Variants in DYNC2H1 observed in about 807,000 individuals in gnomAD.
DYNC2H1 encodes cytoplasmic dynein 2 heavy chain 1.
DYNC2H1 carries 410 observed loss-of-function variants against 570.0 expected under a neutral mutation model. The observed-to-expected ratio is 0.72, with a 90% CI of 0.66 to 0.78. The LOEUF is 0.78. Among genes scored for constraint, DYNC2H1 ranks in the 30% least tolerant of loss-of-function variants. DYNC2H1 has a pLI of 0.00. For missense variants in DYNC2H1, 4,865 were observed against 5,046.4 expected (o/e 0.96, Z 1.09); for synonymous variants, 1,688 against 1,677.6 (o/e 1.01, Z -0.15).
chr11:103,479,780 C>T lies in DYNC2H1; in HGVS notation c.*527C>T, dbSNP rs1361772177. 2 of 151,856 alleles carry T rather than the reference C, an allele frequency of 1.3e-5. No individual in the cohort carries two copies. Among genetic ancestry groups the T allele is most frequent in the African/African-American group, 4.8e-5 (2 of 41,406 alleles). 9.4% of individuals were successfully genotyped at this position (151,856 alleles called of 1,614,324 possible). ...ATAATTATATACTTATAACTAATAT[C>T]TTAAGGTAATTCAAATAGGAATAAT... On this transcript the variant is annotated 3_prime_UTR_variant, in exon 89 of 89. Coordinates refer to ENST00000375735, the MANE Select transcript of DYNC2H1 (RefSeq NM_001377.3).
At chr11:103,309,745 G>T (rs559793831) in intron 78 of DYNC2H1, among the ~76,000 whole-genome samples, 51 of 152,074 alleles carry the variant, frequency 3.4e-4, no homozygotes, top group African/African-American at 1.2e-3. Context: ...AGGGCAGGGG[G>T]TATTTTTTTT....
At chr11:103,355,950 T>TC (rs1444641010) in intron 82 of DYNC2H1, among the ~76,000 whole-genome samples, 1 of 152,076 alleles carries the variant, frequency 6.6e-6, no homozygotes, top group African/African-American at 2.4e-5. Context: ...CCTCAAGTGA[T>TC]CCCCCCACCT....
In DYNC2H1 at chr11:103,421,377, C is replaced by G. The variant is rs1943483568; in HGVS notation, c.12367-14566C>G. Reference sequence around the variant, plus strand: ...TGTGATAGATATCTATACGACTCTCCACCCAAAAACAACAGAATATACATT... The same window carrying G: ...TGTGATAGATATCTATACGACTCTCGACCCAAAAACAACAGAATATACATT... On this transcript the variant is annotated intron_variant, in intron 84 of 88. Coordinates refer to ENST00000375735, the MANE Select transcript of DYNC2H1 (RefSeq NM_001377.3). 2.6e-5 allele frequency among the ~76,000 whole-genome samples: 4 copies of G among 152,208 alleles called. No individual in the cohort carries two copies. In the South Asian group the frequency reaches 6.2e-4, roughly 24 times the overall value.
rs1864408483 is a variant in DYNC2H1, at chr11:103,241,131, C to G, written c.9820-2562C>G. On this transcript the variant is annotated intron_variant, in intron 63 of 88. Transcript: ENST00000375735. This position sits in a 1 kb window ranked among gnomAD's most constrained non-coding sequence, Gnocchi z 5.1. ...AACTTCACCTATCATCCTTCAGTAG[C>G]AACTTGTGCACCTCTTGATGATGAA... Among the ~76,000 whole-genome samples the G allele has an allele frequency of 6.6e-6, 1 of 152,176 alleles. No individual in the cohort carries two copies. Among genetic ancestry groups the G allele is most frequent in the Non-Finnish European group, 1.5e-5 (1 of 68,020 alleles).
intron 70 of DYNC2H1, among the ~76,000 whole-genome samples, chr11:103,266,134 G>A (rs545432418): frequency 1.1e-4 from 17 of 152,304 alleles, no homozygotes; most frequent in African/African-American, 2.6e-4. Flanking sequence ...GCGATAGGTG[G>A]TGTTACCTAA....
intron 75 of DYNC2H1, among the ~76,000 whole-genome samples, chr11:103,293,245 C>G (rs141196865): frequency 2.0e-5 from 3 of 152,112 alleles, no homozygotes; most frequent in Non-Finnish European, 4.4e-5. Context: ...TGTCATCCCC[C>G]TCCCTCATGG....
chr11:103,178,902 G>A (rs1861735960), intron 38 of DYNC2H1, 124 bp from the exon 39 acceptor site: 6 of 919,404 alleles, frequency 6.5e-6, no homozygotes, highest in African/African-American at 1.7e-5. Flanking sequence ...GATTGCGCAT[G>A]GGTTCTTCAG....
At chr11:103,335,618 C>T (rs181853673) in intron 82 of DYNC2H1, among the ~76,000 whole-genome samples, 45 of 152,088 alleles carry the variant, frequency 3.0e-4, no homozygotes, top group African/African-American at 9.6e-4. Flanking sequence ...ATATGAAATA[C>T]GGTTACTACA....
chr11:103,295,878 T>C (rs1479784917), intron 75 of DYNC2H1, among the ~76,000 whole-genome samples: 1 of 152,180 alleles, frequency 6.6e-6, no homozygotes, highest in Non-Finnish European at 1.5e-5. Context: ...GGGCCCAGTC[T>C]CAGGATGTTA....
At chr11:103,406,863 T>G (rs1942883642) in intron 84 of DYNC2H1, 1 of 151,926 alleles carries the variant, frequency 6.6e-6, no homozygotes, top group Non-Finnish European at 1.5e-5. Context: ...TGAGGAGAAG[T>G]ATGCCAGACA....
At chr11:103,335,919 T>G (rs1939099828) in intron 82 of DYNC2H1, among the ~76,000 whole-genome samples, 1 of 152,150 alleles carries the variant, frequency 6.6e-6, no homozygotes, top group Admixed American at 6.5e-5. Flanking sequence ...TTTTTATTTT[T>G]CCCAAGATCA....
chr11:103,446,248 A>T lies in DYNC2H1; in HGVS notation c.12457-8938A>T, dbSNP rs758907810. The stretch of plus-strand genomic sequence containing the variant: ...TCAACATAGTGTTTAAAACCATAGG[A>T]ATGGCCAAGTATCTGGCACTGGTGC... On this transcript the variant is annotated intron_variant, in intron 85 of 88. Coordinates refer to ENST00000375735, the MANE Select transcript of DYNC2H1 (RefSeq NM_001377.3). The surrounding 1 kb of genome is among the most constrained non-coding windows in gnomAD (Gnocchi z 4.5). Among the ~76,000 whole-genome samples, 3 of 152,174 alleles carry T rather than the reference A, an allele frequency of 2.0e-5. No individual in the cohort carries two copies. The highest frequency in any genetic ancestry group is 2.9e-5 in the Non-Finnish European group (2 of 68,020).
chr11:103,336,677 T>G (rs1442022276), intron 82 of DYNC2H1, among the ~76,000 whole-genome samples: 2 of 152,240 alleles, frequency 1.3e-5, no homozygotes, highest in Non-Finnish European at 2.9e-5. Flanking sequence ...ATTGTTTATG[T>G]GTACCATATT....
intron 70 of DYNC2H1, among the ~76,000 whole-genome samples, chr11:103,262,357 A>G (rs1173087636): frequency 3.5e-4 from 53 of 152,170 alleles, no homozygotes; most frequent in Admixed American, 3.5e-3. Context: ...AGAACACCAC[A>G]AAGATATTCC....
chr11:103,148,080 GTAT>G (rs1860335572), intron 19 of DYNC2H1, among the ~76,000 whole-genome samples, 193 bp downstream of exon 19: 1 of 152,122 alleles, frequency 6.6e-6, no homozygotes, highest in Non-Finnish European at 1.5e-5. Context: ...GTCTGAGCTA[GTAT>G]TAGATTGTTG....
At chr11:103,311,706 A>G (rs986684423) in intron 78 of DYNC2H1, among the ~76,000 whole-genome samples, 172 bp from the exon 79 acceptor site, 21 of 152,314 alleles carry the variant, frequency 1.4e-4, no homozygotes, top group African/African-American at 5.1e-4. Context: ...ACTGTTAGAT[A>G]TAAGCAATTT....
intron 84 of DYNC2H1, among the ~76,000 whole-genome samples, chr11:103,410,394 G>A (rs181195574): frequency 6.6e-6 from 1 of 152,150 alleles, no homozygotes; most frequent in Admixed American, 6.6e-5. Context: ...ATGTTTTTAT[G>A]TGTATTACTT....
In DYNC2H1 at chr11:103,125,218, T is replaced by G; in HGVS notation, c.1780T>G (p.Phe594Val). ...REVRQLSALG[F>V]VIPAKIQQVA... is the part of the protein sequence containing the mutation. ...AGTTCGTCAGCTCTCTGCACTTGGCTTTGTTATTCCTGCCAAAATACAGCA... is the reference window on the plus strand; with the variant it reads ...AGTTCGTCAGCTCTCTGCACTTGGCGTTGTTATTCCTGCCAAAATACAGCA... The change falls in exon 12 of 89, where the codon TTT becomes GTT. Residue 594 changes from phenylalanine (F) to valine (V), a missense_variant. By Grantham distance (50) the Phe-to-Val change is conservative. Coordinates refer to ENST00000375735, the MANE Select transcript of DYNC2H1 (RefSeq NM_001377.3). The G allele has an allele frequency of 6.2e-7, 1 of 1,613,574 alleles. No homozygotes were observed. The highest frequency in any genetic ancestry group is 1.1e-5 in the South Asian group (1 of 91,018).
At chr11:103,141,140 CT>C (rs1859897465) in intron 17 of DYNC2H1, among the ~76,000 whole-genome samples, 1 of 152,000 alleles carries the variant, frequency 6.6e-6, no homozygotes, top group African/African-American at 2.4e-5. Flanking sequence ...ACTTCTTTGC[CT>C]TTGGTTTGAA....
Sources: allele counts gnomAD v4.1 joint callset (sites outside exome capture counted in the v4.1 genomes callset), GRCh38; gene constraint gnomAD v4.1.1; non-coding constraint Gnocchi (gnomAD v3.1); transcripts MANE v1.5; gene names NCBI Gene and HGNC (gene_info 2026-07-23, HGNC 2026-07-21).